SCRG1: variants seen among roughly 807,000 people sequenced by gnomAD.
The protein encoded by SCRG1 is scrapie-responsive protein 1.
SCRG1 carries 3 observed loss-of-function variants against 7.7 expected under a neutral mutation model. That is an observed-to-expected ratio of 0.39 (90% CI 0.18 to 1.01). The LOEUF is 1.01. SCRG1 is among the 50% of genes least tolerant of loss of function. The pLI, the probability that SCRG1 is intolerant of heterozygous loss-of-function variation, is 0.36. For synonymous variants in SCRG1, 46 were observed against 41.2 expected (o/e 1.12, Z -0.44); for missense variants, 110 against 117.2 (o/e 0.94, Z 0.28).
the SCRG1 span, chr4:173,469,783 T>C: frequency 6.6e-6 from 1 of 152,232 alleles, no homozygotes. Flanking sequence ...GAAGAATCGT[T>C]CTCCAGCTCC....
the SCRG1 span, among the ~76,000 whole-genome samples, chr4:173,470,848 A>C: frequency 6.6e-6 from 1 of 152,232 alleles, no homozygotes. Context: ...TCTGGAAAAC[A>C]TTTTAAAAAT....
the SCRG1 span, among the ~76,000 whole-genome samples, chr4:173,447,482 T>C: frequency 6.6e-6 from 1 of 152,216 alleles, no homozygotes; most frequent in Non-Finnish European, 1.5e-5. Flanking sequence ...GATTGTAATA[T>C]GTCAACATTT....
At chr4:173,518,774 C>T in the SCRG1 span, among the ~76,000 whole-genome samples, 5 of 152,320 alleles carry the variant, frequency 3.3e-5, no homozygotes, top group African/African-American at 1.2e-4. Flanking sequence ...GGAGCAAAGA[C>T]GGATGGCTGG....
chr4:173,482,925 A>G, the SCRG1 span, among the ~76,000 whole-genome samples: 1 of 137,420 alleles, frequency 7.3e-6, no homozygotes, highest in African/African-American at 2.7e-5. Flanking sequence ...TAATACATAT[A>G]ATATATTATA....
chr4:173,468,713 G>GT, the SCRG1 span: 1 of 152,214 alleles, frequency 6.6e-6, no homozygotes, highest in African/African-American at 2.4e-5. Context: ...ACCATGGAGA[G>GT]TCAAGCATAC....
chr4:173,424,618 T>C, the SCRG1 span, among the ~76,000 whole-genome samples: 1 of 152,170 alleles, frequency 6.6e-6, no homozygotes, highest in Non-Finnish European at 1.5e-5. Flanking sequence ...TTAAGAAATG[T>C]ATGAAGCTAG....
chr4:173,463,804 C>T, the SCRG1 span, among the ~76,000 whole-genome samples: 1 of 152,002 alleles, frequency 6.6e-6, no homozygotes, highest in Non-Finnish European at 1.5e-5. Context: ...ACTGAGAATC[C>T]TGGAAGGTTG....
upstream of SCRG1, among the ~76,000 whole-genome samples, chr4:173,411,191 G>A (rs145870180): frequency 6.9e-4 from 105 of 152,280 alleles, no homozygotes; most frequent in African/African-American, 2.3e-3. Flanking sequence ...GCCAGGCACC[G>A]TTTAAGTACT....
upstream of SCRG1, among the ~76,000 whole-genome samples, chr4:173,406,549 T>C (rs908891285): frequency 1.3e-5 from 2 of 152,202 alleles, no homozygotes; most frequent in African/African-American, 4.8e-5. Flanking sequence ...AAGCACATAG[T>C]GTCTTGTACA....
At chr4:173,424,481 T>A in the SCRG1 span, among the ~76,000 whole-genome samples, 1 of 152,198 alleles carries the variant, frequency 6.6e-6, no homozygotes, top group East Asian at 1.9e-4. Context: ...AAGCAGATGA[T>A]ATAAACCTTG....
At chr4:173,421,841 A>T in the SCRG1 span, among the ~76,000 whole-genome samples, 1 of 152,198 alleles carries the variant, frequency 6.6e-6, no homozygotes, top group Non-Finnish European at 1.5e-5. Context: ...CTAAAAGATT[A>T]TGGAAGTTCA....
the SCRG1 span, among the ~76,000 whole-genome samples, chr4:173,451,731 C>A: frequency 7.3e-5 from 11 of 151,618 alleles, no homozygotes; most frequent in African/African-American, 2.4e-4. Flanking sequence ...TGCAGTGGCA[C>A]GATCTCAGCT....
At chr4:173,505,246 A>G in the SCRG1 span, among the ~76,000 whole-genome samples, 22 of 152,290 alleles carry the variant, frequency 1.4e-4, no homozygotes, top group African/African-American at 5.3e-4. This position sits in a 1 kb window ranked among gnomAD's most constrained non-coding sequence, Gnocchi z 4.4. Context: ...GAGAAGGCTC[A>G]ACAGGGATGA....
chr4:173,483,455 T>TATATATTATCTATTATATTCTGATATATA, the SCRG1 span, among the ~76,000 whole-genome samples: 1 of 5,986 alleles, frequency 1.7e-4, no homozygotes, highest in South Asian at 6.7e-3. Flanking sequence ...TATATCATGA[T>TATATATTATCTATTATATTCTGATATATA]ATATATTATA....
At chr4:173,423,307 C>T in the SCRG1 span, among the ~76,000 whole-genome samples, 1 of 152,168 alleles carries the variant, frequency 6.6e-6, no homozygotes, top group Non-Finnish European at 1.5e-5. Flanking sequence ...ATACACAAAT[C>T]TAAGTTCATA....
At chr4:173,398,852 C>G (rs1739675018) in intron 1 of SCRG1, among the ~76,000 whole-genome samples, 1 of 152,156 alleles carries the variant, frequency 6.6e-6, no homozygotes, top group Non-Finnish European at 1.5e-5. Context: ...CTTTCCTAGT[C>G]AAGAAATATA....
chr4:173,442,074 A>T, the SCRG1 span, among the ~76,000 whole-genome samples: 1 of 152,340 alleles, frequency 6.6e-6, no homozygotes, highest in Non-Finnish European at 1.5e-5. Context: ...TTTAAACATT[A>T]TCGGGCAGGA....
At chr4:173,388,519 A>G (rs1739316415) in intron 2 of SCRG1, 124 bp from the exon 3 acceptor site, 1 of 617,546 alleles carries the variant, frequency 1.6e-6, no homozygotes, top group Non-Finnish European at 2.7e-6. Flanking sequence ...TTAGGTGACT[A>G]AAATGTAAAG....
the SCRG1 span, among the ~76,000 whole-genome samples, chr4:173,477,877 TC>T: frequency 1.6e-4 from 24 of 151,718 alleles, no homozygotes; most frequent in African/African-American, 7.3e-5. Flanking sequence ...CAAGTGATAG[TC>T]CCCCCACAGC....
Sources: gnomAD v4.1 joint callset for allele counts (sites outside exome capture counted in the v4.1 genomes callset) on GRCh38, gnomAD v4.1.1 for gene constraint, Gnocchi (gnomAD v3.1) non-coding constraint, MANE v1.5 for transcripts, NCBI Gene and HGNC (gene_info 2026-07-23, HGNC 2026-07-21) for gene names.